The following ACSL3 variants were observed in gnomAD, a reference collection of about 807,000 sequenced individuals.
ACSL3 encodes the protein acyl-CoA synthetase long chain family member 3, also known as fatty acid CoA ligase Acsl3.
ACSL3 carries 34 observed loss-of-function variants against 84.7 expected under a neutral mutation model. The observed-to-expected ratio is 0.40, with a 90% CI of 0.31 to 0.53. The LOEUF (loss-of-function observed/expected upper bound fraction) is 0.53. ACSL3 is among the 20% of genes least tolerant of loss of function. The pLI is 0.48. For missense variants in ACSL3, 680 were observed against 873.1 expected (o/e 0.78, Z 2.79); for synonymous variants, 315 against 299.4 (o/e 1.05, Z -0.54).
intron 4 of ACSL3, among the ~76,000 whole-genome samples, chr2:222,912,916 C>G (rs180855852): frequency 2.2e-3 from 337 of 152,330 alleles, no homozygotes; most frequent in Non-Finnish European, 4.0e-3. Flanking sequence ...TCAGCATCAC[C>G]TGATTCCAGT....
chr2:222,914,572 A>G (rs1465874559), intron 4 of ACSL3, among the ~76,000 whole-genome samples: 1 of 152,128 alleles, frequency 6.6e-6, no homozygotes, highest in Non-Finnish European at 1.5e-5. Context: ...AGAGGAGGCT[A>G]TTTGAATAGA....
At chr2:222,908,469 A>G (rs1216076334) in intron 3 of ACSL3, among the ~76,000 whole-genome samples, 1 of 152,102 alleles carries the variant, frequency 6.6e-6, no homozygotes, top group African/African-American at 2.4e-5. Flanking sequence ...CTCCCTTTTT[A>G]CTACTGGGAA....
intron 15 of ACSL3, 173 bp downstream of exon 15, chr2:222,933,453 C>G (rs1697087193): frequency 7.7e-6 from 4 of 516,476 alleles, no homozygotes; most frequent in Admixed American, 3.6e-5. Context: ...CCTTGTAAGG[C>G]TTCCCCTGAT....
intron 13 of ACSL3, among the ~76,000 whole-genome samples, chr2:222,929,467 C>T (rs1259044857): frequency 1.3e-5 from 2 of 151,990 alleles, no homozygotes; most frequent in Non-Finnish European, 2.9e-5. Context: ...TGGGATGCAC[C>T]TTTCCTCTAC....
chr2:222,873,450 T>C (rs972575239), intron 1 of ACSL3, among the ~76,000 whole-genome samples: 2 of 152,258 alleles, frequency 1.3e-5, no homozygotes, highest in East Asian at 3.8e-4. Context: ...ATGTCAATAC[T>C]GTTGCTATAT....
chr2:222,862,317 G>A (rs1000590403), intron 1 of ACSL3, among the ~76,000 whole-genome samples: 2 of 152,126 alleles, frequency 1.3e-5, no homozygotes, highest in African/African-American at 2.4e-5. Flanking sequence ...TAAGAAGCTG[G>A]GATTCAGACA....
At chr2:222,886,789 C>A (rs1011965) in intron 1 of ACSL3, among the ~76,000 whole-genome samples, 11,308 of 152,102 alleles carry the variant, frequency 0.074, 595 homozygotes, top group African/African-American at 0.13. Context: ...AGGTGTACAG[C>A]AAAATTGAGA....
intron 11 of ACSL3, among the ~76,000 whole-genome samples, chr2:222,926,402 GA>G (rs1002564958): frequency 4.0e-5 from 6 of 151,852 alleles, no homozygotes; most frequent in Non-Finnish European, 8.8e-5. Flanking sequence ...CTTTTGCAAA[GA>G]TTTTTTTTTT....
At chr2:222,873,516 A>G (rs927306758) in intron 1 of ACSL3, among the ~76,000 whole-genome samples, 11 of 152,168 alleles carry the variant, frequency 7.2e-5, no homozygotes, top group African/African-American at 2.7e-4. Flanking sequence ...TTCTTCTAAG[A>G]ATGTGTGTTT....
intron 13 of ACSL3, among the ~76,000 whole-genome samples, chr2:222,929,387 C>G (rs369147006): frequency 5.5e-4 from 83 of 152,022 alleles, no homozygotes; most frequent in African/African-American, 1.9e-3. Context: ...TATTCTCATG[C>G]CATTTAAAAT....
At chr2:222,917,945 A>G in intron 5 of ACSL3, 101 bp from the exon 6 acceptor site, 1 of 798,692 alleles carries the variant, frequency 1.3e-6, no homozygotes, top group African/African-American at 1.7e-5. Flanking sequence ...TTAACAGTTT[A>G]GGGCTCCTAA....
intron 2 of ACSL3, among the ~76,000 whole-genome samples, chr2:222,893,641 T>G (rs2106104845): frequency 6.6e-6 from 1 of 152,312 alleles, no homozygotes; most frequent in South Asian, 2.1e-4. Context: ...GGAAAACACG[T>G]CATCTCTGAT....
intron 1 of ACSL3, among the ~76,000 whole-genome samples, chr2:222,862,205 G>A (rs939831468): frequency 2.6e-5 from 4 of 152,202 alleles, no homozygotes; most frequent in African/African-American, 4.8e-5. Flanking sequence ...TATGTACAGT[G>A]TCTTCACACT....
At chr2:222,917,923 TAG>T in intron 5 of ACSL3, 121 bp from the exon 6 acceptor site, 1 of 648,518 alleles carries the variant, frequency 1.5e-6, no homozygotes, top group Non-Finnish European at 2.7e-6. Context: ...ATAACACTTA[TAG>T]ACTGTGGATT....
intron 11 of ACSL3, among the ~76,000 whole-genome samples, chr2:222,926,289 G>T (rs1696872588): frequency 6.6e-6 from 1 of 152,158 alleles, no homozygotes; most frequent in Admixed American, 6.5e-5. Context: ...GCATCTGAGG[G>T]TTTTGGTATC....
At chr2:222,866,504 A>G (rs899462709) in intron 1 of ACSL3, among the ~76,000 whole-genome samples, 4 of 152,178 alleles carry the variant, frequency 2.6e-5, no homozygotes, top group African/African-American at 7.2e-5. Context: ...AGCACAGAGC[A>G]ATTTAAGTGA....
At chr2:222,903,158 G>A (rs890787110) in intron 3 of ACSL3, among the ~76,000 whole-genome samples, 27 of 151,210 alleles carry the variant, frequency 1.8e-4, no homozygotes, top group African/African-American at 2.4e-5. Context: ...TTTTTTTTGA[G>A]ATGAGGTCTG....
At chr2:222,909,502 G>A (rs1696384890) in intron 4 of ACSL3, 1 of 205,984 alleles carries the variant, frequency 4.9e-6, no homozygotes, top group Non-Finnish European at 9.6e-6. Context: ...GTTAAATGTG[G>A]CTTAGATGTG....
intron 16 of ACSL3, among the ~76,000 whole-genome samples, chr2:222,937,121 T>C (rs1697193560): frequency 6.6e-6 from 1 of 152,230 alleles, no homozygotes; most frequent in African/African-American, 2.4e-5. Context: ...TTTTGTAGTT[T>C]TCAGGGTACA....
Sources: allele counts gnomAD v4.1 joint callset (sites outside exome capture counted in the v4.1 genomes callset), GRCh38; gene constraint gnomAD v4.1.1; transcripts MANE v1.5; gene names NCBI Gene and HGNC (gene_info 2026-07-23, HGNC 2026-07-21).